Variants in FAM177A1 observed in about 807,000 individuals in gnomAD.
The protein encoded by FAM177A1 is protein FAM177A1.
In FAM177A1, 22 loss-of-function variants were observed where a neutral mutation model predicts 26.1. The observed-to-expected ratio is 0.84, with a 90% confidence interval of 0.60 to 1.20. The LOEUF is 1.20. FAM177A1 is among the 50% of genes most tolerant of loss of function. The pLI, the probability that FAM177A1 is intolerant of heterozygous loss-of-function variation, is 0.00. For synonymous variants in FAM177A1, 95 were observed against 99.3 expected, an observed-to-expected ratio of 0.96 and a Z score of 0.26; for missense variants, 296 against 291.1, an observed-to-expected ratio of 1.02 and a Z score of -0.12.
At chr14:35,065,357 C>CT (rs1181451849) in intron 2 of FAM177A1, among the ~76,000 whole-genome samples, 5,212 of 91,862 alleles carry the variant, frequency 0.057, 357 homozygotes, top group African/African-American at 0.21. Flanking sequence ...TCCATTGAAT[C>CT]TTTTTTTTTT....
chr14:35,065,997 C>T (rs563505400), intron 2 of FAM177A1, among the ~76,000 whole-genome samples: 3 of 152,014 alleles, frequency 2.0e-5, no homozygotes, highest in South Asian at 4.2e-4. Context: ...CCACTGCACC[C>T]TGCCTAGAAA....
intron 2 of FAM177A1, among the ~76,000 whole-genome samples, chr14:35,057,058 G>A (rs1424150625): frequency 6.6e-6 from 1 of 151,970 alleles, no homozygotes; most frequent in South Asian, 2.1e-4. Context: ...ATTAATTTCT[G>A]CTCTTGCCTG....
At chr14:35,046,881 C>G (rs1477760581) in intron 1 of FAM177A1, 3 of 1,305,978 alleles carry the variant, frequency 2.3e-6, no homozygotes, top group Middle Eastern at 2.2e-4. Context: ...GGGTGATAGT[C>G]CAGCTTCTGG....
intron 2 of FAM177A1, among the ~76,000 whole-genome samples, chr14:35,059,798 C>T (rs2138539581): frequency 6.6e-6 from 1 of 152,226 alleles, no homozygotes. Flanking sequence ...CCACCTGCCT[C>T]AGTCTCCCAA....
At chr14:35,067,284 T>A (rs1041023544) in intron 2 of FAM177A1, among the ~76,000 whole-genome samples, 4 of 152,240 alleles carry the variant, frequency 2.6e-5, no homozygotes, top group Admixed American at 1.3e-4. Flanking sequence ...AACGTGGCAT[T>A]ATGCCTTTCT....
chr14:35,047,989 C>G (rs1230061876), intron 1 of FAM177A1, among the ~76,000 whole-genome samples: 1 of 152,126 alleles, frequency 6.6e-6, no homozygotes. Flanking sequence ...GGCAACAGAG[C>G]AAGAACCCAT....
At chr14:35,069,603 A>T (rs2045288603) in intron 2 of FAM177A1, among the ~76,000 whole-genome samples, 1 of 152,096 alleles carries the variant, frequency 6.6e-6, no homozygotes, top group South Asian at 2.1e-4. Flanking sequence ...GTACTTTTTA[A>T]CAACTGAAGA....
chr14:35,062,985 T>A (rs55833640), intron 2 of FAM177A1, among the ~76,000 whole-genome samples: 4,840 of 140,174 alleles, frequency 0.035, 117 homozygotes, highest in Middle Eastern at 0.093. Flanking sequence ...TAGTATCATT[T>A]AAAAAAAAAA....
chr14:35,068,106 A>G (rs1193251540), intron 2 of FAM177A1, among the ~76,000 whole-genome samples: 1 of 152,186 alleles, frequency 6.6e-6, no homozygotes, highest in African/African-American at 2.4e-5. Context: ...GCCCAGACCA[A>G]TGTTATGTAG....
chr14:35,063,893 C>A (rs2045198712), intron 2 of FAM177A1, among the ~76,000 whole-genome samples: 1 of 149,364 alleles, frequency 6.7e-6, no homozygotes, highest in Admixed American at 6.7e-5. Flanking sequence ...ACTAAAAATA[C>A]AAAAATTAGC....
At chr14:35,051,546 G>A (rs1226286961) in intron 1 of FAM177A1, among the ~76,000 whole-genome samples, 1 of 152,142 alleles carries the variant, frequency 6.6e-6, no homozygotes. Flanking sequence ...CCAAGTAGCT[G>A]AAATTACATA....
intron 1 of FAM177A1, among the ~76,000 whole-genome samples, chr14:35,049,761 G>A (rs1410048132): frequency 1.3e-5 from 2 of 152,114 alleles, no homozygotes; most frequent in African/African-American, 4.8e-5. Context: ...TTCCAGCCTG[G>A]ATGACAGAGC....
chr14:35,065,248 A>G (rs1446949530), intron 2 of FAM177A1, among the ~76,000 whole-genome samples: 1 of 150,972 alleles, frequency 6.6e-6, no homozygotes, highest in Non-Finnish European at 1.5e-5. Context: ...ATCTTGGCTC[A>G]CTGCAAGCTC....
At chr14:35,047,375 A>G (rs1478164618) in intron 1 of FAM177A1, among the ~76,000 whole-genome samples, 1 of 152,212 alleles carries the variant, frequency 6.6e-6, no homozygotes. Context: ...CGCATAGCAT[A>G]TCGCAGTTCT....
At chr14:35,076,373 T>A (rs546097421) in intron 2 of FAM177A1, among the ~76,000 whole-genome samples, 51 of 152,022 alleles carry the variant, frequency 3.4e-4, no homozygotes, top group South Asian at 6.2e-4. Flanking sequence ...GTTCTCACTC[T>A]TAGGTGGGAA....
intron 2 of FAM177A1, among the ~76,000 whole-genome samples, chr14:35,067,651 AC>A (rs1256153097): frequency 5.3e-5 from 8 of 152,180 alleles, no homozygotes; most frequent in African/African-American, 1.9e-4. Flanking sequence ...CACCAAGTGC[AC>A]CTGGGTTCCC....
At chr14:35,059,741 G>T (rs531152046) in intron 2 of FAM177A1, among the ~76,000 whole-genome samples, 1 of 152,014 alleles carries the variant, frequency 6.6e-6, no homozygotes, top group East Asian at 1.9e-4. Context: ...TAGAGACGGG[G>T]TTTCACCATG....
At chr14:35,078,562 A>T (rs894278330) in intron 3 of FAM177A1, among the ~76,000 whole-genome samples, 2 of 152,062 alleles carry the variant, frequency 1.3e-5, no homozygotes, top group African/African-American at 4.8e-5. Context: ...ATGTTGTTCA[A>T]GCTGGTCTTG....
At chr14:35,080,474 A>C (rs902064149) in intron 4 of FAM177A1, among the ~76,000 whole-genome samples, 1 of 152,210 alleles carries the variant, frequency 6.6e-6, no homozygotes, top group Non-Finnish European at 1.5e-5. Flanking sequence ...GGTCTCATCT[A>C]CGTGATGTAG....
Sources: gnomAD v4.1 joint callset for allele counts (sites outside exome capture counted in the v4.1 genomes callset) on GRCh38, gnomAD v4.1.1 for gene constraint, MANE v1.5 for transcripts, NCBI Gene and HGNC (gene_info 2026-07-23, HGNC 2026-07-21) for gene names.